The following FRMD5 variants were observed in gnomAD, a reference collection of about 807,000 sequenced individuals.
The protein encoded by FRMD5 is FERM domain containing 5.
In FRMD5, 20 loss-of-function variants were observed where a neutral mutation model predicts 69.0. That is an observed-to-expected ratio of 0.29 (90% CI 0.20 to 0.42). The LOEUF (loss-of-function observed/expected upper bound fraction) is 0.42, where lower values mean the gene tolerates loss of function less well. Ranked by LOEUF, FRMD5 falls within the 10% of genes least tolerant of loss-of-function variation. FRMD5 has a pLI of 1.00. For synonymous variants in FRMD5, 271 were observed against 260.1 expected, an observed-to-expected ratio of 1.04 and a Z score of -0.40; for missense variants, 595 against 708.6, an observed-to-expected ratio of 0.84 and a Z score of 1.82.
At chr15:43,888,370 G>T in intron 9 of FRMD5, 104 bp from the exon 10 acceptor site, 1 of 742,222 alleles carries the variant, frequency 1.3e-6, no homozygotes, top group Non-Finnish European at 2.3e-6. Context: ...CTGGCAGCTG[G>T]CTAGTTAGAG....
chr15:43,872,872 C>T lies in FRMD5; in HGVS notation c.*1013G>A, dbSNP rs988856863. 2.8e-5 allele frequency: 9 copies of T among 320,704 alleles called. No homozygotes were observed. In the South Asian group the frequency reaches 5.1e-4, roughly 18 times the overall value. 19.9% of individuals were successfully genotyped at this position (320,704 alleles called of 1,614,324 possible). ...ATGAATTGTTAAGAAAATAACATTT[C>T]GTTGTTAAAATATAAATTGAAATAG... On this transcript the variant is annotated 3_prime_UTR_variant, in exon 14 of 14. Coordinates refer to ENST00000417257, the MANE Select transcript of FRMD5 (RefSeq NM_032892.5).
rs1047041649 is a variant in FRMD5, at chr15:43,976,533, A to C, written c.103-52224T>G. 4.6e-5 allele frequency among the ~76,000 whole-genome samples: 7 copies of C among 152,362 alleles called. No individual in the cohort carries two copies. In the East Asian group the frequency reaches 1.3e-3, roughly 29 times the overall value. On this transcript the variant is annotated intron_variant, in intron 1 of 13. Transcript: ENST00000417257. Reference sequence around the variant, plus strand: ...TGGATGGTGTTAGGAAGAGTTTTAAAAGGAAGAAAGTGAGAGAGAAGGCAA... The same window carrying C: ...TGGATGGTGTTAGGAAGAGTTTTAACAGGAAGAAAGTGAGAGAGAAGGCAA...
At chr15:44,171,162 G>A (rs980367169) in intron 1 of FRMD5, among the ~76,000 whole-genome samples, 1 of 152,138 alleles carries the variant, frequency 6.6e-6, no homozygotes, top group Non-Finnish European at 1.5e-5. Context: ...TAAAGTATGT[G>A]TTAGTGCACA....
intron 1 of FRMD5, among the ~76,000 whole-genome samples, chr15:43,924,547 G>A (rs1367149292): frequency 6.6e-6 from 1 of 152,148 alleles, no homozygotes; most frequent in African/African-American, 2.4e-5. Flanking sequence ...GAGAAGTCAG[G>A]GTAGAGTCAG....
intron 1 of FRMD5, among the ~76,000 whole-genome samples, chr15:43,973,404 C>T (rs2090416492): frequency 6.7e-6 from 1 of 149,202 alleles, no homozygotes; most frequent in Non-Finnish European, 1.5e-5. Flanking sequence ...CTTGCTCTAT[C>T]TCACAGGCTG....
At chr15:44,145,354 T>C (rs2077340225) in intron 1 of FRMD5, among the ~76,000 whole-genome samples, 1 of 152,196 alleles carries the variant, frequency 6.6e-6, no homozygotes, top group Non-Finnish European at 1.5e-5. Flanking sequence ...CTTTAAAAAC[T>C]CACTATTTCA....
intron 1 of FRMD5, among the ~76,000 whole-genome samples, chr15:44,047,991 A>G (rs1009497540): frequency 4.6e-5 from 7 of 152,094 alleles, no homozygotes; most frequent in Non-Finnish European, 1.0e-4. Flanking sequence ...CTCTTAAGCT[A>G]TTATGAAAAA....
intron 1 of FRMD5, among the ~76,000 whole-genome samples, chr15:43,945,286 A>G (rs1287330583): frequency 1.3e-5 from 2 of 152,096 alleles, no homozygotes; most frequent in Non-Finnish European, 2.9e-5. Flanking sequence ...TCTGTGGGAG[A>G]GTTGGTTCAA....
intron 1 of FRMD5, among the ~76,000 whole-genome samples, chr15:44,086,480 T>C (rs1302338489): frequency 6.6e-6 from 1 of 152,238 alleles, no homozygotes. Flanking sequence ...TAGATAATTC[T>C]ATTTATGTAA....
intron 1 of FRMD5, among the ~76,000 whole-genome samples, chr15:44,099,871 A>G (rs1055324284): frequency 1.3e-5 from 2 of 152,096 alleles, no homozygotes; most frequent in African/African-American, 4.8e-5. Flanking sequence ...TAAAAAGATA[A>G]GCTTGTATGA....
intron 1 of FRMD5, among the ~76,000 whole-genome samples, chr15:44,070,510 T>C (rs1345570174): frequency 6.6e-6 from 1 of 152,148 alleles, no homozygotes; most frequent in Non-Finnish European, 1.5e-5. Context: ...TTAGCAAAAC[T>C]ACCTCCAGAT....
intron 1 of FRMD5, chr15:44,063,622 G>T: frequency 3.9e-6 from 2 of 514,418 alleles, no homozygotes; most frequent in Non-Finnish European, 7.6e-6. Flanking sequence ...TGATCCCTTT[G>T]TTGACCTCAA....
intron 1 of FRMD5, among the ~76,000 whole-genome samples, chr15:43,968,799 G>A (rs2090333266): frequency 2.0e-5 from 3 of 152,026 alleles, no homozygotes; most frequent in African/African-American, 7.2e-5. Context: ...CTTTTGCTAA[G>A]GACACTATCA....
At position 43,873,916 on chromosome 15, in the gene FRMD5, C is replaced by T. The variant is rs746378483; in HGVS notation, c.1682G>A (p.Arg561His). 1.2e-5 allele frequency: 20 copies of T among 1,613,974 alleles called. No homozygotes were observed. Among genetic ancestry groups the T allele is most frequent in the Non-Finnish European group, 1.6e-5 (19 of 1,180,022 alleles). Reference protein sequence around the residue: ...PLRRWFACKIRSVVSLLIDT With the variant: ...PLRRWFACKIHSVVSLLIDT ...GTCAATGAGCAGGCTCACCACTGAG[C>T]GGATTTTGCAGGCAAACCATCGCCT... is the stretch of plus-strand genomic sequence containing the variant. Residue 561 changes from arginine (R) to histidine (H), a missense_variant, in exon 14 of 14, where the codon CGC becomes CAC. Physicochemically the swap from Arg to His is conservative, Grantham distance 29. Coordinates refer to ENST00000417257, the MANE Select transcript of FRMD5 (RefSeq NM_032892.5).
At chr15:43,886,156 T>C (rs2088658380) in intron 10 of FRMD5, among the ~76,000 whole-genome samples, 2 of 152,202 alleles carry the variant, frequency 1.3e-5, no homozygotes, top group African/African-American at 2.4e-5. Flanking sequence ...AGCCTCACCC[T>C]TTTTATAAAA....
chr15:44,064,918 T>C (rs1226904544), intron 1 of FRMD5, among the ~76,000 whole-genome samples: 1 of 152,204 alleles, frequency 6.6e-6, no homozygotes, highest in Non-Finnish European at 1.5e-5. Flanking sequence ...ATGGGTATAT[T>C]ACACAATAAA....
chr15:44,085,146 A>C (rs1332572259), intron 1 of FRMD5, among the ~76,000 whole-genome samples: 1 of 152,150 alleles, frequency 6.6e-6, no homozygotes, highest in East Asian at 1.9e-4. Context: ...TTAAAAGGTG[A>C]ACAGGTATTC....
At chr15:44,054,005 T>C (rs1005496594) in intron 1 of FRMD5, among the ~76,000 whole-genome samples, 2 of 152,182 alleles carry the variant, frequency 1.3e-5, no homozygotes, top group African/African-American at 2.4e-5. Context: ...TGAAAGCAAA[T>C]AGCAAACTGT....
intron 1 of FRMD5, among the ~76,000 whole-genome samples, chr15:43,986,206 T>A (rs1437959163): frequency 6.6e-6 from 1 of 152,216 alleles, no homozygotes; most frequent in Non-Finnish European, 1.5e-5. Context: ...TCACTGTGCA[T>A]CTGTTATTCA....
Sources: allele counts gnomAD v4.1 joint callset (sites outside exome capture counted in the v4.1 genomes callset), GRCh38; gene constraint gnomAD v4.1.1; transcripts MANE v1.5; gene names NCBI Gene and HGNC (gene_info 2026-07-23, HGNC 2026-07-21).